ANKS1B: variants seen among roughly 807,000 people sequenced by gnomAD.
ANKS1B encodes ankyrin repeat and sterile alpha motif domain containing 1B, also known as ankyrin repeat and sterile alpha motif domain-containing protein 1B.
ANKS1B carries 36 observed loss-of-function variants against 148.3 expected under a neutral mutation model. The observed-to-expected ratio is 0.24, with a 90% CI of 0.19 to 0.32. The LOEUF (loss-of-function observed/expected upper bound fraction) is 0.32. Ranked by LOEUF, ANKS1B falls within the 10% of genes least tolerant of loss-of-function variation. The pLI, the probability that ANKS1B is intolerant of heterozygous loss-of-function variation, is 1.00. For synonymous variants in ANKS1B, 542 were observed against 560.8 expected, an observed-to-expected ratio of 0.97 and a Z score of 0.47; for missense variants, 1,157 against 1,542.6, an observed-to-expected ratio of 0.75 and a Z score of 4.19.
At chr12:99,482,819 T>C (rs1023107921) in intron 10 of ANKS1B, among the ~76,000 whole-genome samples, 1 of 152,064 alleles carries the variant, frequency 6.6e-6, no homozygotes, top group South Asian at 2.1e-4. Flanking sequence ...GTGATCATTG[T>C]TGGTGTATAG....
intron 22 of ANKS1B, among the ~76,000 whole-genome samples, chr12:98,789,361 G>GA (rs1425604204): frequency 1.3e-5 from 2 of 150,642 alleles, no homozygotes; most frequent in African/African-American, 4.9e-5. Context: ...CAAAAAACCT[G>GA]AAAAAACAAC....
chr12:99,324,154 A>G (rs2085858946), intron 12 of ANKS1B, among the ~76,000 whole-genome samples: 1 of 152,200 alleles, frequency 6.6e-6, no homozygotes, highest in South Asian at 2.1e-4. Context: ...TTACATGGAC[A>G]TTAATTTTTT....
At chr12:99,605,677 T>C (rs2097846453) in intron 9 of ANKS1B, among the ~76,000 whole-genome samples, 2 of 152,116 alleles carry the variant, frequency 1.3e-5, no homozygotes, top group Non-Finnish European at 2.9e-5. Context: ...TTCTTTTTTA[T>C]AGTTGAACAG....
chr12:99,156,409 C>T (rs184015966), intron 14 of ANKS1B, among the ~76,000 whole-genome samples: 2 of 152,278 alleles, frequency 1.3e-5, no homozygotes, highest in African/African-American at 4.8e-5. Flanking sequence ...CTTTAAGACA[C>T]AGTTTTGATT....
chr12:99,582,382 A>G (rs1437433651), intron 9 of ANKS1B, among the ~76,000 whole-genome samples: 2 of 152,186 alleles, frequency 1.3e-5, no homozygotes, highest in African/African-American at 4.8e-5. Flanking sequence ...ACATTTGTCC[A>G]CACAAAGACT....
intron 13 of ANKS1B, among the ~76,000 whole-genome samples, chr12:99,245,224 A>C (rs1273079572): frequency 6.6e-6 from 1 of 152,208 alleles, no homozygotes; most frequent in Admixed American, 6.5e-5. Flanking sequence ...ACCAGCATCT[A>C]GTCATGAAAA....
chr12:99,939,565 C>G (rs763299659), intron 1 of ANKS1B, among the ~76,000 whole-genome samples: 2 of 151,996 alleles, frequency 1.3e-5, no homozygotes, highest in Non-Finnish European at 2.9e-5. Flanking sequence ...TTCCAGAAGT[C>G]TCATCATCAC....
At chr12:98,870,736 C>T (rs766751299) in intron 17 of ANKS1B, among the ~76,000 whole-genome samples, 15 of 152,242 alleles carry the variant, frequency 9.9e-5, no homozygotes, top group Non-Finnish European at 1.8e-4. Context: ...CACACAGCCT[C>T]GTTATCCATC....
chr12:99,774,129 C>T (rs1327025198), intron 7 of ANKS1B, among the ~76,000 whole-genome samples: 3 of 151,884 alleles, frequency 2.0e-5, no homozygotes, highest in South Asian at 2.1e-4. Context: ...AAAATGAACA[C>T]GCAGGATTGG....
In ANKS1B at chr12:99,821,652, T is replaced by C. The variant is rs552639386; in HGVS notation, c.215+3657A>G. On this transcript the variant is annotated intron_variant, in intron 2 of 26. Transcript: ENST00000683438. ...AGAAGTGCTTACCTACCAATGCCAA[T>C]CTGAGAAAGAACAAGAAAAGTAGTA... Among the ~76,000 whole-genome samples the C allele has an allele frequency of 4.1e-4, 62 of 152,066 alleles. 1 individual carries two copies. Among genetic ancestry groups the C allele is most frequent in the Non-Finnish European group, 4.7e-4 (32 of 67,904 alleles).
At chr12:99,933,848 C>G (rs933448976) in intron 1 of ANKS1B, among the ~76,000 whole-genome samples, 1 of 151,984 alleles carries the variant, frequency 6.6e-6, no homozygotes, top group Non-Finnish European at 1.5e-5. Context: ...CCATTTTTCC[C>G]CATTCAGTAA....
In ANKS1B at chr12:99,139,573, G is replaced by A. The variant is rs78267249; in HGVS notation, c.2526+14716C>T. The stretch of plus-strand genomic sequence containing the variant: ...GGATTACAGGTGCAAGCCACTGTGC[G>A]CAGCCAGTCATAGATTTCTAACACT... On this transcript the variant is annotated intron_variant, in intron 15 of 26. Transcript: ENST00000683438. Among the ~76,000 whole-genome samples the A allele has an allele frequency of 5.7e-3, 839 of 146,700 alleles. 13 individuals carry two copies. The highest frequency in any genetic ancestry group is 0.02 in the African/African-American group (793 of 39,416).
At chr12:99,644,092 G>A (rs2098335970) in intron 9 of ANKS1B, among the ~76,000 whole-genome samples, 1 of 151,984 alleles carries the variant, frequency 6.6e-6, no homozygotes, top group Non-Finnish European at 1.5e-5. Context: ...GAGGAAACCA[G>A]GCCATACCTC....
intron 14 of ANKS1B, among the ~76,000 whole-genome samples, chr12:99,239,655 G>A (rs1171820259): frequency 6.6e-6 from 1 of 152,138 alleles, no homozygotes; most frequent in African/African-American, 2.4e-5. Context: ...AAATGTTAAG[G>A]GCAGCCAGAG....
chr12:99,945,019 A>C (rs955733684), intron 1 of ANKS1B, among the ~76,000 whole-genome samples: 1 of 152,174 alleles, frequency 6.6e-6, no homozygotes. Flanking sequence ...ATATGTGCCA[A>C]CCACTCTTCT....
At chr12:99,716,861 G>A (rs2057400862) in intron 8 of ANKS1B, among the ~76,000 whole-genome samples, 1 of 152,092 alleles carries the variant, frequency 6.6e-6, no homozygotes, top group African/African-American at 2.4e-5. Context: ...GGCCGAGCTA[G>A]GTCCCAATTC....
At chr12:98,954,735 T>A (rs1403503) in intron 17 of ANKS1B, among the ~76,000 whole-genome samples, 56,431 of 152,102 alleles carry the variant, frequency 0.37, 14,052 homozygotes, top group African/African-American at 0.7. Flanking sequence ...GCCTAGGTTC[T>A]TAAAAGCTCT....
chr12:99,702,726 G>GTAGAGGCAGAGTTTCCCTATGTTGCC (rs373187946), intron 8 of ANKS1B, among the ~76,000 whole-genome samples: 21,709 of 116,422 alleles, frequency 0.19, 2,012 homozygotes, highest in East Asian at 0.45. Context: ...TTTTTTTTTT[G>GTAGAGGCAGAGTTTCCCTATGTTGCC]TAGAGGCAGA....
chr12:99,868,748 A>C (rs1029578739), intron 1 of ANKS1B, among the ~76,000 whole-genome samples: 1 of 152,134 alleles, frequency 6.6e-6, no homozygotes, highest in Non-Finnish European at 1.5e-5. Flanking sequence ...GAACACTATA[A>C]AACATTATTT....
Sources: allele counts gnomAD v4.1 joint callset (sites outside exome capture counted in the v4.1 genomes callset), GRCh38; gene constraint gnomAD v4.1.1; transcripts MANE v1.5; gene names NCBI Gene and HGNC (gene_info 2026-07-23, HGNC 2026-07-21).